Variants in CEACAM19 observed in about 807,000 individuals in gnomAD.
CEACAM19 encodes the protein cell adhesion molecule CEACAM19.
Under a neutral mutation model 37.6 loss-of-function variants are expected in CEACAM19, and 37 were observed. That is an observed-to-expected ratio of 0.98 (90% CI 0.76 to 1.29). CEACAM19 has a LOEUF of 1.29. CEACAM19 is among the 50% of genes most tolerant of loss of function. The pLI is 0.00. For synonymous variants in CEACAM19, 140 were observed against 149.8 expected, an observed-to-expected ratio of 0.93 and a Z score of 0.48; for missense variants, 340 against 375.6, an observed-to-expected ratio of 0.91 and a Z score of 0.78.
chr19:44,672,195 G>T (rs906192221), intron 1 of CEACAM19, among the ~76,000 whole-genome samples: 3 of 152,184 alleles, frequency 2.0e-5, no homozygotes. Flanking sequence ...ATTTATGTAT[G>T]TTTGGTTCCC....
chr19:44,668,336 T>C (rs1377618087), upstream of CEACAM19, among the ~76,000 whole-genome samples: 6 of 20,178 alleles, frequency 3.0e-4, no homozygotes, highest in African/African-American at 1.7e-3. Context: ...ATAATATGTT[T>C]ATAATATATA....
chr19:44,667,702 ATT>A (rs1491499007), upstream of CEACAM19, among the ~76,000 whole-genome samples: 2 of 80,508 alleles, frequency 2.5e-5, no homozygotes, highest in Non-Finnish European at 4.3e-5. Flanking sequence ...TATAATATAT[ATT>A]ATATAAATAT....
rs368178581 is a variant in CEACAM19, at chr19:44,672,954, C to T, written c.414C>T (p.Val138=). 2.0e-6 allele frequency: 3 copies of T among 1,490,224 alleles called. No individual in the cohort carries two copies. The highest frequency in any genetic ancestry group is 2.8e-5 in the African/African-American group (2 of 70,922). 92.3% of individuals were successfully genotyped at this position (1,490,224 alleles called of 1,614,324 possible). ...GGACTATGAAGGCCAAGACTGAGGT[C>T]CAGGTAGCTGGTAAGTGTTAGGGTC... ...SEWTMKAKTE[V]QVAEKNKELP... The change falls in exon 2 of 8, where the codon GTC becomes GTT. Residue 138 remains valine (V), a synonymous_variant. Coordinates refer to ENST00000358777, the MANE Select transcript of CEACAM19 (RefSeq NM_001127893.3).
upstream of CEACAM19, among the ~76,000 whole-genome samples, chr19:44,670,781 GAAAAAAAAA>G (rs74691226): frequency 1.7e-4 from 10 of 58,154 alleles, no homozygotes; most frequent in Non-Finnish European, 3.4e-4. Context: ...CCTGTCTCAA[GAAAAAAAAA>G]AAAAAAAAAA....
rs1358351611 is a variant in CEACAM19 at position 44,672,726 on chromosome 19, C to G, written c.186C>G (p.Asp62Glu). The G allele has an allele frequency of 6.3e-7, 1 of 1,583,710 alleles. No individual in the cohort carries two copies. Among genetic ancestry groups the G allele is most frequent in the Non-Finnish European group, 8.6e-7 (1 of 1,163,718 alleles). Residue 62 changes from aspartate (D) to glutamate (E), a missense_variant, in exon 2 of 8, where the codon GAC (aspartate) becomes GAG (glutamate). Physicochemically the swap from Asp to Glu is conservative, Grantham distance 45. Transcript: ENST00000358777. ...AGGGTGTCCCAGACACCTTCCAGGA[C>G]TTCAACTGGTACCTGGGGGAGGAGA... ...SVQGVPDTFQDFNWYLGEETY... is the reference protein window; with the variant it reads ...SVQGVPDTFQEFNWYLGEETY...
At chr19:44,666,971 G>T (rs1366858221), upstream of CEACAM19, 1 of 151,820 alleles carries the variant, frequency 6.6e-6, no homozygotes, top group Admixed American at 6.6e-5. Flanking sequence ...AGGAGGCTGA[G>T]GCCCAGAGAG....
At position 44,683,424 on chromosome 19, in the gene CEACAM19, TC is replaced by T; in HGVS notation, c.847-7del. On this transcript the variant is annotated splice_polypyrimidine_tract_variant and intron_variant, in intron 7 of 7. Coordinates refer to ENST00000358777, the MANE Select transcript of CEACAM19 (RefSeq NM_001127893.3). ...ACCCAGTCATAATTCTGTTCTCTCT[TC>T]CCCCCAAGCAGGACCTGCTAAACCC... is the stretch of plus-strand genomic sequence containing the variant. The T allele has an allele frequency of 2.7e-6, 4 of 1,482,928 alleles. No homozygotes were observed. Among genetic ancestry groups the T allele is most frequent in the Admixed American group, 2.1e-5 (1 of 47,682 alleles). The allele number at this position is 1,482,928 out of a possible 1,614,324, so 91.9% of individuals were successfully genotyped here.
rs1974113270 is a variant in CEACAM19, at chr19:44,684,025, G to C, written c.*535G>C. 6.6e-6 allele frequency: 1 copy of C among 152,560 alleles called. No homozygotes were observed. Among genetic ancestry groups the C allele is most frequent in the Non-Finnish European group, 1.5e-5 (1 of 68,320 alleles). 9.5% of individuals were successfully genotyped at this position (152,560 alleles called of 1,614,324 possible). On this transcript the variant is annotated 3_prime_UTR_variant, in exon 8 of 8. Coordinates refer to ENST00000358777, the MANE Select transcript of CEACAM19 (RefSeq NM_001127893.3). ...CACCAGTCCCAGCAAGGTGACCACG[G>C]CTGCTGGACCCCTTCCCTGTTCAGG... is the stretch of plus-strand genomic sequence containing the variant.
chr19:44,667,607 ATATAT>A (rs1484907902), upstream of CEACAM19, among the ~76,000 whole-genome samples: 2 of 102,724 alleles, frequency 1.9e-5, no homozygotes, highest in Non-Finnish European at 3.6e-5. Flanking sequence ...ATATATAAAT[ATATAT>A]TATATATTTA....
rs1390372768 is a variant in CEACAM19 at position 44,676,353 on chromosome 19, C to G, written c.507C>G (p.Ala169=). Reference sequence around the variant, plus strand: ...CCACCATCATTGGATCTCTTGCTGCCGGGGCCCTTCTCATCAGCTGCATTG... The same window carrying G: ...CCACCATCATTGGATCTCTTGCTGCGGGGGCCCTTCTCATCAGCTGCATTG... ...LAATIIGSLA[A]GALLISCIAY... Residue 169 remains alanine, a synonymous_variant, in exon 3 of 8, where the codon GCC becomes GCG. Coordinates refer to ENST00000358777, the MANE Select transcript of CEACAM19 (RefSeq NM_001127893.3). 1.2e-6 allele frequency: 2 copies of G among 1,614,070 alleles called. No homozygotes were observed.
upstream of CEACAM19, among the ~76,000 whole-genome samples, chr19:44,667,933 TA>T (rs1973763052): frequency 1.3e-5 from 1 of 76,696 alleles, no homozygotes; most frequent in African/African-American, 6.5e-5. Context: ...ATATAATATA[TA>T]AAATATATAT....
chr19:44,676,243 CT>C (rs1334705439), intron 2 of CEACAM19, 27 bp from the exon 3 acceptor site: 1 of 1,611,178 alleles, frequency 6.2e-7, no homozygotes, highest in Non-Finnish European at 8.5e-7. Flanking sequence ...ACAGTCCCCC[CT>C]CTCTCTTTCT....
chr19:44,680,148 A>G (rs1342212642), intron 4 of CEACAM19, 140 bp from the exon 5 acceptor site: 6 of 635,070 alleles, frequency 9.4e-6, no homozygotes, highest in African/African-American at 1.8e-5. Flanking sequence ...GGGATAGTTC[A>G]GGCCTCATCC....
chr19:44,668,211 T>C (rs867331909), upstream of CEACAM19, among the ~76,000 whole-genome samples: 488 of 86,418 alleles, frequency 5.6e-3, 14 homozygotes, highest in African/African-American at 0.023. Flanking sequence ...ATATATATAT[T>C]TATATAATAT....
chr19:44,671,529 A>G lies in CEACAM19; in HGVS notation c.-403A>G. ...GTTTCCACATCTGTGCAATGGGAAC[A>G]GTTATTTATGGTGGCTGCTGAATGA... On this transcript the variant is annotated 5_prime_UTR_variant, in exon 1 of 8. Transcript: ENST00000358777. The G allele has an allele frequency of 5.0e-6, 2 of 403,044 alleles. No homozygotes were observed. The highest frequency in any genetic ancestry group is 8.7e-6 in the Non-Finnish European group (2 of 228,918). 25.0% of individuals were successfully genotyped at this position (403,044 alleles called of 1,614,324 possible).
intron 2 of CEACAM19, 109 bp from the exon 3 acceptor site, chr19:44,676,162 T>C: frequency 8.9e-7 from 1 of 1,125,434 alleles, no homozygotes; most frequent in Non-Finnish European, 1.3e-6. Flanking sequence ...AATAGGAAAC[T>C]GCACCTCAGT....
chr19:44,673,442 C>T (rs1002536383), intron 2 of CEACAM19, among the ~76,000 whole-genome samples: 1 of 152,168 alleles, frequency 6.6e-6, no homozygotes, highest in African/African-American at 2.4e-5. Flanking sequence ...AGTTTCTCAG[C>T]TTCAGCACTA....
chr19:44,669,202 C>T (rs141011980), upstream of CEACAM19, among the ~76,000 whole-genome samples: 499 of 152,060 alleles, frequency 3.3e-3, 1 homozygote, highest in African/African-American at 0.011. Flanking sequence ...TCACTGCAGC[C>T]TTGACCTCCC....
chr19:44,683,450 C>T lies in CEACAM19; in HGVS notation c.860C>T (p.Pro287Leu). The change falls in exon 8 of 8, where the codon CCC (proline) becomes CTC (leucine). Residue 287 changes from proline to leucine, a missense_variant. Physicochemically the swap from Pro to Leu is moderately conservative, Grantham distance 98 (BLOSUM62 -3). Coordinates refer to ENST00000358777, the MANE Select transcript of CEACAM19 (RefSeq NM_001127893.3). ...CCCCCCAAGCAGGACCTGCTAAACC[C>T]CGACCCTGCCCCCTACTGCCAGCTG... Reference protein sequence around the residue: ...ENHQYQDLLNPDPAPYCQLVP... With the variant: ...ENHQYQDLLNLDPAPYCQLVP... 1 of 1,563,302 alleles carries T rather than the reference C, an allele frequency of 6.4e-7. No homozygotes were observed. Among genetic ancestry groups the T allele is most frequent in the Non-Finnish European group, 8.7e-7 (1 of 1,151,598 alleles).
Sources: gnomAD v4.1 joint callset for allele counts (sites outside exome capture counted in the v4.1 genomes callset) on GRCh38, gnomAD v4.1.1 for gene constraint, MANE v1.5 for transcripts, NCBI Gene and HGNC (gene_info 2026-07-23, HGNC 2026-07-21) for gene names.